EBF2: variants seen among roughly 807,000 people sequenced by gnomAD.
EBF2 encodes the protein transcription factor COE2.
A neutral mutation model predicts 72.8 loss-of-function variants in EBF2; 21 were observed. That is an observed-to-expected ratio of 0.29 (90% CI 0.20 to 0.42). The LOEUF is 0.42. Ranked by LOEUF, EBF2 falls within the 10% of genes least tolerant of loss-of-function variation. The pLI, the probability that EBF2 is intolerant of heterozygous loss-of-function variation, is 1.00. For missense variants in EBF2, 637 were observed against 731.2 expected, an observed-to-expected ratio of 0.87 and a Z score of 1.49; for synonymous variants, 299 against 274.2, an observed-to-expected ratio of 1.09 and a Z score of -0.89.
Position 26,044,310 on chromosome 8 carries a change from GGC to G in EBF2, c.131+417_131+418del, listed in dbSNP as rs1219546513. 3.3e-5 allele frequency among the ~76,000 whole-genome samples: 5 copies of G among 152,228 alleles called. No homozygotes were observed. Among genetic ancestry groups the G allele is most frequent in the African/African-American group, 1.2e-4 (5 of 41,460 alleles). On this transcript the variant is annotated intron_variant, in intron 1 of 15. Transcript: ENST00000520164. This position sits in a 1 kb window ranked among gnomAD's most constrained non-coding sequence, Gnocchi z 4.1. Reference sequence around the variant, plus strand: ...ATGCGGGAGGTAGGCGCTCGCAGGCGGCGTGGCGAAGCCAAGAGTGGCCAGGA... The same window carrying G: ...ATGCGGGAGGTAGGCGCTCGCAGGCGGTGGCGAAGCCAAGAGTGGCCAGGA...
At chr8:25,858,903 C>CCAGCCT (rs756477112) in intron 13 of EBF2, among the ~76,000 whole-genome samples, 20 of 152,056 alleles carry the variant, frequency 1.3e-4, no homozygotes, top group Non-Finnish European at 1.8e-4. Flanking sequence ...CCATGATCCA[C>CCAGCCT]CAGCCTCAGC....
intron 5 of EBF2, among the ~76,000 whole-genome samples, chr8:26,035,116 A>G (rs961374370): frequency 6.6e-6 from 1 of 150,652 alleles, no homozygotes; most frequent in Non-Finnish European, 1.5e-5. Flanking sequence ...CAGGAACCCA[A>G]TGGCCTAGCA....
chr8:25,864,105 TTTAA>T (rs1292842299), intron 10 of EBF2, among the ~76,000 whole-genome samples: 2 of 152,196 alleles, frequency 1.3e-5, no homozygotes, highest in African/African-American at 2.4e-5. Context: ...TGTGCATAAC[TTTAA>T]TTATTTCAAT....
chr8:25,993,389 C>T (rs1804575840), intron 6 of EBF2, among the ~76,000 whole-genome samples: 1 of 152,194 alleles, frequency 6.6e-6, no homozygotes, highest in African/African-American at 2.4e-5. Flanking sequence ...GTTTCCCCTG[C>T]CTCTTACTAC....
chr8:25,847,082 T>G (rs1227046802), intron 15 of EBF2, among the ~76,000 whole-genome samples: 1 of 152,312 alleles, frequency 6.6e-6, no homozygotes, highest in African/African-American at 2.4e-5. Context: ...TTTTCCTGTG[T>G]GGCCTTGGGT....
intron 6 of EBF2, among the ~76,000 whole-genome samples, chr8:26,000,449 C>A (rs1437937696): frequency 1.3e-5 from 2 of 152,210 alleles, no homozygotes. Flanking sequence ...ATCACCAGTA[C>A]TGAGGCCATA....
intron 1 of EBF2, among the ~76,000 whole-genome samples, chr8:26,043,667 G>A (rs1460519073): frequency 1.3e-5 from 2 of 152,214 alleles, no homozygotes; most frequent in Non-Finnish European, 2.9e-5. Flanking sequence ...AGGCCGGTTC[G>A]CTCTACCCGG....
intron 6 of EBF2, among the ~76,000 whole-genome samples, chr8:26,007,578 G>T (rs1472091928): frequency 2.0e-5 from 3 of 152,210 alleles, no homozygotes; most frequent in Middle Eastern, 3.4e-3. Context: ...ACGAGTCAAG[G>T]TTGCTGGGGA....
At chr8:25,925,662 T>C (rs1803374144) in intron 6 of EBF2, among the ~76,000 whole-genome samples, 3 of 152,140 alleles carry the variant, frequency 2.0e-5, no homozygotes, top group Non-Finnish European at 2.9e-5. Flanking sequence ...AGAATCACTC[T>C]TTGGGGCCTC....
At chr8:25,914,386 G>GCA (rs1392812263) in intron 6 of EBF2, among the ~76,000 whole-genome samples, 1 of 152,212 alleles carries the variant, frequency 6.6e-6, no homozygotes, top group African/African-American at 2.4e-5. Context: ...GGAAGGTGAA[G>GCA]GTTAGCAGTG....
At chr8:26,011,896 G>A (rs908043307) in intron 6 of EBF2, among the ~76,000 whole-genome samples, 3 of 151,886 alleles carry the variant, frequency 2.0e-5, no homozygotes, top group Admixed American at 6.6e-5. Flanking sequence ...ATGGATGCCC[G>A]GGCAAGCGTC....
chr8:25,957,552 C>A (rs947215858), intron 6 of EBF2, among the ~76,000 whole-genome samples: 12 of 152,102 alleles, frequency 7.9e-5, no homozygotes, highest in African/African-American at 2.9e-4. Context: ...TTAACTACAT[C>A]CAAGGCTGGA....
chr8:26,040,214 C>T lies in EBF2; in HGVS notation c.409-113G>A. On this transcript the variant is annotated intron_variant, in intron 4 of 15. Coordinates refer to ENST00000520164, the MANE Select transcript of EBF2 (RefSeq NM_022659.4). The stretch of plus-strand genomic sequence containing the variant: ...CTTTCCCTCCCACTACCTGCCACCG[C>T]ATTAGGAATTCCCGCCCGCAGCACA... The T allele has an allele frequency of 3.5e-6, 4 of 1,149,314 alleles. No individual in the cohort carries two copies. The South Asian group carries it at 5.4e-5, about 16-fold the overall frequency. 71.2% of individuals were successfully genotyped at this position (1,149,314 alleles called of 1,614,324 possible). A position where few individuals can be genotyped will look rare whatever the true frequency, so the allele number is the denominator to read the frequency against.
Position 26,000,041 on chromosome 8 carries a change from G to A in EBF2, c.551+33044C>T, listed in dbSNP as rs112577197. 3.0e-3 allele frequency among the ~76,000 whole-genome samples: 456 copies of A among 152,210 alleles called. 2 individuals carry two copies. The highest frequency in any genetic ancestry group is 0.01 in the African/African-American group (432 of 41,530). Reference sequence around the variant, plus strand: ...TGAGCAGCCAGAAACTCATAACAGCGGGCCATGAAAATTGTAGACATCACA... The same window carrying A: ...TGAGCAGCCAGAAACTCATAACAGCAGGCCATGAAAATTGTAGACATCACA... On this transcript the variant is annotated intron_variant, in intron 6 of 15. Coordinates refer to ENST00000520164, the MANE Select transcript of EBF2 (RefSeq NM_022659.4).
chr8:25,938,817 A>G (rs1451679378), intron 6 of EBF2, among the ~76,000 whole-genome samples: 1 of 152,108 alleles, frequency 6.6e-6, no homozygotes, highest in Non-Finnish European at 1.5e-5. Flanking sequence ...TACTTGGAAA[A>G]TATGGCTGGT....
At chr8:25,893,842 G>A (rs1461153018) in intron 7 of EBF2, among the ~76,000 whole-genome samples, 1 of 152,170 alleles carries the variant, frequency 6.6e-6, no homozygotes, top group Non-Finnish European at 1.5e-5. Context: ...GACATACCCT[G>A]ATGGTTCAGA....
chr8:26,013,511 A>T (rs1038333735), intron 6 of EBF2, among the ~76,000 whole-genome samples: 3 of 152,106 alleles, frequency 2.0e-5, no homozygotes, highest in African/African-American at 7.2e-5. Context: ...TTTTCCCTCC[A>T]TCCTGCAAAA....
chr8:26,031,736 T>G (rs1320324929), intron 6 of EBF2: 2 of 152,122 alleles, frequency 1.3e-5, no homozygotes, highest in African/African-American at 4.8e-5. Flanking sequence ...GCACCCAGCC[T>G]GGAAGTAAGG....
chr8:25,969,484 C>T (rs1008263934), intron 6 of EBF2, among the ~76,000 whole-genome samples: 1 of 152,188 alleles, frequency 6.6e-6, no homozygotes, highest in Non-Finnish European at 1.5e-5. Flanking sequence ...GTCTGGACTC[C>T]CTCCTGGGAG....
Sources: gnomAD v4.1 joint callset for allele counts (sites outside exome capture counted in the v4.1 genomes callset) on GRCh38, gnomAD v4.1.1 for gene constraint, Gnocchi (gnomAD v3.1) non-coding constraint, MANE v1.5 for transcripts, NCBI Gene and HGNC (gene_info 2026-07-23, HGNC 2026-07-21) for gene names.